SPTBN4: variants seen among roughly 807,000 people sequenced by gnomAD.
SPTBN4 encodes spectrin beta chain, non-erythrocytic 4.
A neutral mutation model predicts 277.8 loss-of-function variants in SPTBN4; 96 were observed. The ratio of observed to expected loss-of-function variants is 0.35; its 90% CI spans 0.29 to 0.41. The LOEUF is 0.41. Ranked by LOEUF, SPTBN4 falls within the 10% of genes least tolerant of loss-of-function variation. SPTBN4 has a pLI of 1.00. For synonymous variants in SPTBN4, 1,481 were observed against 1,580.3 expected (o/e 0.94, Z 1.49); for missense variants, 3,006 against 3,595.7 (o/e 0.84, Z 4.19).
chr19:40,469,132 A>G (rs560656867), intron 1 of SPTBN4, among the ~76,000 whole-genome samples: 62 of 151,758 alleles, frequency 4.1e-4, no homozygotes, highest in African/African-American at 1.4e-3. Flanking sequence ...GTGTCCCCCT[A>G]AGGGACAATT....
At chr19:40,475,990 G>T (rs531219905) in intron 2 of SPTBN4, among the ~76,000 whole-genome samples, 49 of 152,122 alleles carry the variant, frequency 3.2e-4, no homozygotes, top group African/African-American at 1.2e-3. Flanking sequence ...AGGTTGCAGT[G>T]AGCCGAGATT....
intron 24 of SPTBN4, 122 bp from the exon 25 acceptor site, chr19:40,555,962 C>G: frequency 1.2e-6 from 1 of 814,438 alleles, no homozygotes; most frequent in Non-Finnish European, 1.9e-6. Flanking sequence ...TACCTGGGGA[C>G]ACAGCCGTGT....
rs1312868988 is a variant in SPTBN4, at chr19:40,490,344, C to T, written c.495+96C>T. 2.1e-6 allele frequency: 3 copies of T among 1,400,136 alleles called. No individual in the cohort carries two copies. Among genetic ancestry groups the T allele is most frequent in the South Asian group, 1.4e-5 (1 of 69,690 alleles). The allele number at this position is 1,400,136 out of a possible 1,614,324, so 86.7% of individuals were successfully genotyped here. On this transcript the variant is annotated intron_variant, in intron 4 of 35. Coordinates refer to ENST00000598249, the MANE Select transcript of SPTBN4 (RefSeq NM_020971.3). The surrounding 1 kb of genome is among the most constrained non-coding windows in gnomAD (Gnocchi z 4.3). ...ATTCATTCTTTCCTTCCAATAATATCCTAATATGCTGGAATCCTATTCCAG... is the reference window on the plus strand; with the variant it reads ...ATTCATTCTTTCCTTCCAATAATATTCTAATATGCTGGAATCCTATTCCAG...
intron 30 of SPTBN4, 26 bp from the exon 31 acceptor site, chr19:40,567,637 C>T: frequency 7.6e-7 from 1 of 1,311,556 alleles, no homozygotes; most frequent in African/African-American, 1.6e-5. Context: ...ACGCCTCCAA[C>T]CTAACCCTGG....
intron 12 of SPTBN4, among the ~76,000 whole-genome samples, chr19:40,505,221 CAA>C (rs60448674): frequency 0.083 from 6,237 of 75,098 alleles, 89 homozygotes; most frequent in South Asian, 0.13. Context: ...CCTGTCTGTA[CAA>C]AAAAAAAAAA....
intron 6 of SPTBN4, 118 bp downstream of exon 6, chr19:40,495,095 C>A: frequency 1.2e-6 from 1 of 851,396 alleles, no homozygotes; most frequent in Non-Finnish European, 1.9e-6. Flanking sequence ...CCCATCCCTT[C>A]ACCTCTACAC....
chr19:40,534,040 C>A, intron 19 of SPTBN4, 40 bp from the exon 20 acceptor site: 2 of 1,562,692 alleles, frequency 1.3e-6, no homozygotes, highest in Non-Finnish European at 8.7e-7. Flanking sequence ...CACCATCTAT[C>A]TATCTTCTCC....
rs1396167451 is a variant in SPTBN4, at chr19:40,569,307, A to G, written c.6957-350A>G. Among the ~76,000 whole-genome samples the G allele has an allele frequency of 5.9e-5, 9 of 151,810 alleles. No homozygotes were observed. The East Asian group carries it at 1.7e-3, about 29-fold the overall frequency. On this transcript the variant is annotated intron_variant, in intron 31 of 35. Coordinates refer to ENST00000598249, the MANE Select transcript of SPTBN4 (RefSeq NM_020971.3). ...CGGCATGGTGGCGCACGCCTGTAGT[A>G]CCAGCTACTTGGGAGGCTGAGGCAG...
chr19:40,550,241 T>C lies in SPTBN4; in HGVS notation c.4588T>C (p.Trp1530Arg). 1 of 1,613,630 alleles carries C rather than the reference T, an allele frequency of 6.2e-7. No individual in the cohort carries two copies. Among genetic ancestry groups the C allele is most frequent in the East Asian group, 2.2e-5 (1 of 44,884 alleles). ...CTGCTTCCTGTGTCCTCTCCAGGCA[T>C]GGGTTCAGGAGCGGCTGCCACTGGC... ...VAHDLDDELAWVQERLPLAMQ... is the reference protein window; with the variant it reads ...VAHDLDDELARVQERLPLAMQ... The change falls in exon 22 of 36, where the codon TGG becomes CGG. Residue 1530 changes from tryptophan (W) to arginine (R), a missense_variant. Trp to Arg is a moderately radical substitution (Grantham distance 101). Coordinates refer to ENST00000598249, the MANE Select transcript of SPTBN4 (RefSeq NM_020971.3).
At chr19:40,531,501 C>CAGGAGGG (rs1220285901) in intron 18 of SPTBN4, among the ~76,000 whole-genome samples, 1 of 20,210 alleles carries the variant, frequency 4.9e-5, no homozygotes. Flanking sequence ...TTTTTTTTTG[C>CAGGAGGG]AGGAGGGAGG....
rs1254603135 is a variant in SPTBN4 at position 40,567,262 on chromosome 19, G to A, written c.6337-401G>A. On this transcript the variant is annotated intron_variant, in intron 30 of 35. Coordinates refer to ENST00000598249, the MANE Select transcript of SPTBN4 (RefSeq NM_020971.3). ...GCAATGAGCTATGATCTTGCTGCTT[G>A]CACTCCAGCCTGGGCGACAGAGCAA... The A allele has an allele frequency of 2.5e-5, 7 of 277,276 alleles. No homozygotes were observed. In the East Asian group the frequency reaches 7.6e-4, roughly 30 times the overall value. 17.2% of individuals were successfully genotyped at this position (277,276 alleles called of 1,614,324 possible).
intron 13 of SPTBN4, among the ~76,000 whole-genome samples, chr19:40,511,843 GC>G (rs1487935697): frequency 6.6e-6 from 1 of 152,194 alleles, no homozygotes; most frequent in African/African-American, 2.4e-5. Flanking sequence ...AGAGAAGTTG[GC>G]CGGTGGCAGT....
chr19:40,470,038 G>A (rs2079867350), intron 1 of SPTBN4, among the ~76,000 whole-genome samples: 1 of 149,606 alleles, frequency 6.7e-6, no homozygotes, highest in African/African-American at 2.5e-5. Context: ...TCACTCTGTC[G>A]CCCAGGCTGG....
chr19:40,567,135 C>G (rs568542429), intron 30 of SPTBN4: 1 of 454,360 alleles, frequency 2.2e-6, no homozygotes, highest in African/African-American at 2.0e-5. Context: ...CAAAAGCAAA[C>G]AAAGAAAAAA....
intron 20 of SPTBN4, among the ~76,000 whole-genome samples, chr19:40,542,334 C>T (rs2080810964): frequency 6.6e-6 from 1 of 152,310 alleles, no homozygotes; most frequent in East Asian, 1.9e-4. Flanking sequence ...AGCAGGCTCT[C>T]TGGGACCCCA....
At chr19:40,522,173 C>T (rs1272158870) in intron 16 of SPTBN4, among the ~76,000 whole-genome samples, 1 of 151,714 alleles carries the variant, frequency 6.6e-6, no homozygotes, top group South Asian at 2.1e-4. Flanking sequence ...ACTACAGGCA[C>T]GTGCCACCAT....
rs1330614159 is a variant in SPTBN4, at chr19:40,556,135, C to A, written c.5136C>A (p.Leu1712=). ...AGGTGGACCGCCTGTACGTGGCGCT[C>A]AAGGAGCTGGGTGAGGAGCGCCGGG... ...QSQVDRLYVA[L]KELGEERRVA... is the part of the protein sequence containing the mutation. Residue 1712 remains leucine, a synonymous_variant, in exon 25 of 36, where the codon CTC becomes CTA. Coordinates refer to ENST00000598249, the MANE Select transcript of SPTBN4 (RefSeq NM_020971.3). 1.9e-6 allele frequency: 3 copies of A among 1,612,886 alleles called. No homozygotes were observed. The highest frequency in any genetic ancestry group is 1.7e-5 in the Admixed American group (1 of 59,996).
chr19:40,491,707 C>T (rs2080137910), intron 4 of SPTBN4, among the ~76,000 whole-genome samples: 1 of 75,938 alleles, frequency 1.3e-5, no homozygotes, highest in Non-Finnish European at 2.1e-5. Flanking sequence ...GATAGAGACT[C>T]TGTCTCAAAA....
intron 20 of SPTBN4, among the ~76,000 whole-genome samples, chr19:40,544,127 C>CTTTTT (rs10618096): frequency 1.2e-4 from 15 of 128,852 alleles, no homozygotes; most frequent in Non-Finnish European, 1.8e-4. Flanking sequence ...TCTTCTTCCT[C>CTTTTT]TTTTTTTTTT....
Sources: gnomAD v4.1 joint callset for allele counts (sites outside exome capture counted in the v4.1 genomes callset) on GRCh38, gnomAD v4.1.1 for gene constraint, Gnocchi (gnomAD v3.1) non-coding constraint, MANE v1.5 for transcripts, NCBI Gene and HGNC (gene_info 2026-07-23, HGNC 2026-07-21) for gene names.